Variants in MAP3K20 observed in about 807,000 individuals in gnomAD.
MAP3K20 encodes the protein HCCS-4.
A neutral mutation model predicts 85.7 loss-of-function variants in MAP3K20; 40 were observed. The ratio of observed to expected loss-of-function variants is 0.47; its 90% CI spans 0.36 to 0.61. The LOEUF (loss-of-function observed/expected upper bound fraction) is 0.61, where lower values mean the gene tolerates loss of function less well. Among genes scored for constraint, MAP3K20 ranks in the 20% least tolerant of loss-of-function variants. The pLI is 0.00. For missense variants in MAP3K20, 817 were observed against 961.7 expected (o/e 0.85, Z 1.99); for synonymous variants, 325 against 327.7 (o/e 0.99, Z 0.09).
chr2:173,082,442 G>A (rs140008491), intron 1 of MAP3K20, among the ~76,000 whole-genome samples: 2 of 152,170 alleles, frequency 1.3e-5, no homozygotes, highest in African/African-American at 4.8e-5. Context: ...TTCTCAGGGA[G>A]TATTCATTCC....
chr2:173,248,609 C>A (rs1005040810), intron 16 of MAP3K20, among the ~76,000 whole-genome samples: 30 of 152,172 alleles, frequency 2.0e-4, no homozygotes, highest in Non-Finnish European at 4.4e-5. Flanking sequence ...TGCATACCTG[C>A]TGAATGGATT....
chr2:173,081,887 C>T (rs772492817), intron 1 of MAP3K20, among the ~76,000 whole-genome samples: 1 of 152,080 alleles, frequency 6.6e-6, no homozygotes. Context: ...TTCATTCTGC[C>T]CTCTTAGCTG....
At chr2:173,207,128 T>C (rs1683713565) in intron 9 of MAP3K20, among the ~76,000 whole-genome samples, 1 of 151,888 alleles carries the variant, frequency 6.6e-6, no homozygotes, top group Non-Finnish European at 1.5e-5. Flanking sequence ...AAATATTTTA[T>C]TGAAGAGAAG....
At position 173,266,783 on chromosome 2, in the gene MAP3K20, TA is replaced by T. The variant is rs3835094; in HGVS notation, c.*50del. The T allele has an allele frequency of 0.066, 66,122 of 1,004,024 alleles. 6 individuals carry two copies. Among genetic ancestry groups the T allele is most frequent in the East Asian group, 0.19 (6,161 of 32,332 alleles). 62.2% of individuals were successfully genotyped at this position (1,004,024 alleles called of 1,614,324 possible). On this transcript the variant is annotated 3_prime_UTR_variant, in exon 20 of 20. Transcript: ENST00000375213. Reference sequence around the variant, plus strand: ...AACTACATAGCTTTTCTAAGCAGGTTAAAAAAAAAAAAAAAAAGAAATGTAA... The same window carrying T: ...AACTACATAGCTTTTCTAAGCAGGTTAAAAAAAAAAAAAAAAGAAATGTAA...
At chr2:173,258,633 A>C in intron 16 of MAP3K20, 66 bp from the exon 17 acceptor site, 2 of 872,272 alleles carry the variant, frequency 2.3e-6, no homozygotes, top group Non-Finnish European at 3.7e-6. Context: ...TGTGTTAGGA[A>C]ATATTGAGAC....
chr2:173,233,128 G>A lies in MAP3K20; in HGVS notation c.1203+669G>A, dbSNP rs1684561731. On this transcript the variant is annotated intron_variant, in intron 14 of 19. Coordinates refer to ENST00000375213, the MANE Select transcript of MAP3K20 (RefSeq NM_016653.3). The stretch of plus-strand genomic sequence containing the variant: ...TAAGAAATACCACAAAGGCAGTGTG[G>A]TGCCTGGAAAACAGCCATCCACCCA... Among the ~76,000 whole-genome samples, 3 of 152,144 alleles carry A rather than the reference G, an allele frequency of 2.0e-5. No homozygotes were observed. The South Asian group carries it at 6.2e-4, about 32-fold the overall frequency.
At chr2:173,179,323 C>T (rs150431200) in intron 3 of MAP3K20, among the ~76,000 whole-genome samples, 1,933 of 148,286 alleles carry the variant, frequency 0.013, 23 homozygotes, top group Middle Eastern at 0.025. Flanking sequence ...AACCTGGAGG[C>T]GGAGCTTGCA....
chr2:173,209,888 C>T (rs750383834), intron 10 of MAP3K20, 53 bp downstream of exon 10: 32 of 1,434,876 alleles, frequency 2.2e-5, no homozygotes, highest in South Asian at 3.4e-5. Context: ...GACCATCACT[C>T]GTCTCAATGA....
chr2:173,200,290 A>ATAAATTCTGTTGACAT (rs1691005092), intron 8 of MAP3K20, among the ~76,000 whole-genome samples: 1 of 152,226 alleles, frequency 6.6e-6, no homozygotes, highest in Non-Finnish European at 1.5e-5. Context: ...CATTTCCAAA[A>ATAAATTCTGTTGACAT]TAAATTCTGT....
At chr2:173,181,388 A>C (rs1363533825) in intron 3 of MAP3K20, among the ~76,000 whole-genome samples, 2 of 152,132 alleles carry the variant, frequency 1.3e-5, no homozygotes. Context: ...GACAATATCA[A>C]ATGTTGGTGA....
intron 17 of MAP3K20, 37 bp downstream of exon 17, chr2:173,258,852 T>A (rs1329611974): frequency 7.7e-7 from 1 of 1,290,826 alleles, no homozygotes; most frequent in Non-Finnish European, 1.1e-6. Context: ...CTCTTTTGAA[T>A]TCACAGATAT....
intron 2 of MAP3K20, among the ~76,000 whole-genome samples, chr2:173,142,471 CAAA>C (rs546013989): frequency 1.0e-5 from 1 of 97,670 alleles, no homozygotes. Context: ...GACTCCGTCT[CAAA>C]AAAAAAAAAA....
intron 17 of MAP3K20, among the ~76,000 whole-genome samples, chr2:173,259,646 C>T (rs1052871080): frequency 2.6e-5 from 4 of 152,206 alleles, no homozygotes; most frequent in Admixed American, 6.5e-5. Context: ...TCTTCAAAGA[C>T]ATGCATTAGA....
chr2:173,187,632 G>C lies in MAP3K20; in HGVS notation c.415+9G>C. ...CCTCAAGTCAAGAAACGGTAATGTAGTTATGTTTTTATTTTACCTATTTTA... is the reference window on the plus strand; with the variant it reads ...CCTCAAGTCAAGAAACGGTAATGTACTTATGTTTTTATTTTACCTATTTTA... On this transcript the variant is annotated intron_variant, in intron 5 of 19. Transcript: ENST00000375213. 6 of 1,599,936 alleles carry C rather than the reference G, an allele frequency of 3.8e-6. No individual in the cohort carries two copies. Among genetic ancestry groups the C allele is most frequent in the Middle Eastern group, 1.7e-4 (1 of 5,934 alleles).
At chr2:173,082,443 T>TATTC (rs1687037823) in intron 1 of MAP3K20, among the ~76,000 whole-genome samples, 1 of 152,064 alleles carries the variant, frequency 6.6e-6, no homozygotes, top group African/African-American at 2.4e-5. Context: ...TCTCAGGGAG[T>TATTC]ATTCATTCCA....
intron 16 of MAP3K20, among the ~76,000 whole-genome samples, chr2:173,253,884 A>G (rs6707035): frequency 0.21 from 31,242 of 151,648 alleles, 4,645 homozygotes; most frequent in East Asian, 0.57. Context: ...CCTGGACAAC[A>G]TAGTGAGACT....
intron 10 of MAP3K20, among the ~76,000 whole-genome samples, chr2:173,213,286 C>G (rs897799747): frequency 1.8e-4 from 27 of 152,062 alleles, no homozygotes; most frequent in African/African-American, 6.3e-4. Context: ...AGATACAAGA[C>G]AGTGAAGTAT....
At chr2:173,110,217 ATATATATATATATATATATATATATTTT>A (rs1460963511) in intron 2 of MAP3K20, among the ~76,000 whole-genome samples, 137 of 7,286 alleles carry the variant, frequency 0.019, no homozygotes, top group Non-Finnish European at 0.026. Context: ...ATATATATAT[ATATATATATATATATATATATATATTTT>A]TTTTTTTTTT....
intron 1 of MAP3K20, among the ~76,000 whole-genome samples, chr2:173,089,240 C>A (rs1687224885): frequency 6.6e-6 from 1 of 151,800 alleles, no homozygotes; most frequent in African/African-American, 2.4e-5. Context: ...AGATACCTGT[C>A]ACCTAGATGT....
Sources: allele counts gnomAD v4.1 joint callset (sites outside exome capture counted in the v4.1 genomes callset), GRCh38; gene constraint gnomAD v4.1.1; transcripts MANE v1.5; gene names NCBI Gene and HGNC (gene_info 2026-07-23, HGNC 2026-07-21).